The following MCM4 variants were observed in gnomAD, a reference collection of about 807,000 sequenced individuals.
MCM4 encodes minichromosome maintenance complex component 4, also known as DNA replication licensing factor MCM4.
Under a neutral mutation model 88.7 loss-of-function variants are expected in MCM4, and 60 were observed. That is an observed-to-expected ratio of 0.68 (90% CI 0.55 to 0.84). MCM4 has a LOEUF of 0.84. Ranked by LOEUF, MCM4 falls within the 40% of genes least tolerant of loss-of-function variation. The pLI is 0.00. For synonymous variants in MCM4, 465 were observed against 410.5 expected, an observed-to-expected ratio of 1.13 and a Z score of -1.61; for missense variants, 1,149 against 1,105.5, an observed-to-expected ratio of 1.04 and a Z score of -0.56.
chr8:47,962,725 A>T, intron 5 of MCM4, 39 bp from the exon 6 acceptor site: 1 of 1,237,776 alleles, frequency 8.1e-7, no homozygotes, highest in Non-Finnish European at 1.2e-6. Flanking sequence ...CCTGTTCCCA[A>T]ATGCTATATG....
At chr8:47,961,912 A>G in intron 3 of MCM4, 141 bp from the exon 4 acceptor site, 1 of 925,168 alleles carries the variant, frequency 1.1e-6, no homozygotes, top group Non-Finnish European at 1.6e-6. Flanking sequence ...AGAACATTTA[A>G]GAGTGCTCAG....
At position 47,977,962 on chromosome 8, in the gene MCM4, A is replaced by G. The variant is rs1392781521; in HGVS notation, c.*1184A>G. 6.6e-6 allele frequency: 1 copy of G among 152,218 alleles called. No individual in the cohort carries two copies. Among genetic ancestry groups the G allele is most frequent in the Non-Finnish European group, 1.5e-5 (1 of 68,040 alleles). The allele number at this position is 152,218 out of a possible 1,614,324, so 9.4% of individuals were successfully genotyped here. A position where few individuals can be genotyped will look rare whatever the true frequency, so the allele number is the denominator to read the frequency against. On this transcript the variant is annotated 3_prime_UTR_variant, in exon 17 of 17. Transcript: ENST00000649973. ...TACCTGGCATTATTTTTCAGTAAGA[A>G]AAAAGCTTTACTAACCACTACATTT...
In MCM4 at chr8:47,974,809, A is replaced by G; in HGVS notation, c.2212A>G (p.Ile738Val). 6.2e-7 allele frequency: 1 copy of G among 1,614,226 alleles called. No individual in the cohort carries two copies. The highest frequency in any genetic ancestry group is 8.5e-7 in the Non-Finnish European group (1 of 1,180,040). The change falls in exon 15 of 17, where the codon ATC (isoleucine) becomes GTC (valine). Residue 738 changes from isoleucine to valine, a missense_variant. This residue lies in a region of MCM4 where 238 missense variants were observed against 241.6 expected (regional missense o/e 0.99). Transcript: ENST00000649973. Reference protein sequence around the residue: ...SAYPRQLESLIRLAEAHAKVR... With the variant: ...SAYPRQLESLVRLAEAHAKVR... ...ATACCCTCGACAGCTAGAGTCATTA[A>G]TCCGCTTAGCAGAAGCCCATGCTAA...
intron 9 of MCM4, 120 bp downstream of exon 9, chr8:47,966,527 G>T (rs1362507452): frequency 7.0e-6 from 7 of 1,006,256 alleles, no homozygotes; most frequent in Non-Finnish European, 1.0e-5. Context: ...ATCCCTCTCT[G>T]GTCTTGTGGG....
At chr8:47,965,297 A>T (rs1481680341) in intron 8 of MCM4, among the ~76,000 whole-genome samples, 1 of 150,206 alleles carries the variant, frequency 6.7e-6, no homozygotes, top group Non-Finnish European at 1.5e-5. Flanking sequence ...GACATAAGAG[A>T]CTCCATCTCT....
chr8:47,968,416 C>G (rs1012763770), intron 10 of MCM4, among the ~76,000 whole-genome samples: 1 of 152,188 alleles, frequency 6.6e-6, no homozygotes, highest in African/African-American at 2.4e-5. Flanking sequence ...GTGCGCATTT[C>G]CAGTCCTGCT....
intron 9 of MCM4, among the ~76,000 whole-genome samples, chr8:47,966,822 T>C (rs768100670): frequency 5.9e-5 from 9 of 152,232 alleles, no homozygotes; most frequent in Non-Finnish European, 1.3e-4. Flanking sequence ...GATGAAGTTA[T>C]TAAAATGACA....
At position 47,974,760 on chromosome 8, in the gene MCM4, C is replaced by T. The variant is rs780941867; in HGVS notation, c.2163C>T (p.Gly721=). Residue 721 remains glycine (G), a synonymous_variant, in exon 15 of 17, where the codon GGC becomes GGT. Transcript: ENST00000649973. ...CTTATGTAGACATGAGGAAGATTGG[C>T]AGTAGCCGGGGAATGGTTTCTGCAT... ...IEAYVDMRKI[G]SSRGMVSAYP... 1.9e-6 allele frequency: 3 copies of T among 1,614,156 alleles called. No individual in the cohort carries two copies. In the East Asian group the frequency reaches 6.7e-5, roughly 36 times the overall value.
At chr8:47,964,410 A>G (rs562638570) in intron 7 of MCM4, among the ~76,000 whole-genome samples, 164 bp from the exon 8 acceptor site, 1 of 152,214 alleles carries the variant, frequency 6.6e-6, no homozygotes, top group Admixed American at 6.5e-5. Context: ...AGAAATAGAT[A>G]GTTCAGCATA....
At chr8:47,969,619 A>G (rs2090932507) in intron 10 of MCM4, 179 bp from the exon 11 acceptor site, 14 of 609,878 alleles carry the variant, frequency 2.3e-5, no homozygotes, top group South Asian at 6.1e-5. Context: ...GAGCTTTGCA[A>G]TGTGGGCCTG....
intron 12 of MCM4, 108 bp downstream of exon 12, chr8:47,970,984 G>A (rs1252792088): frequency 9.2e-6 from 12 of 1,310,904 alleles, no homozygotes; most frequent in African/African-American, 1.5e-5. Flanking sequence ...AACTTGGGGA[G>A]ATTGATAAGT....
chr8:47,963,084 A>G, intron 7 of MCM4, 44 bp downstream of exon 7: 1 of 1,099,518 alleles, frequency 9.1e-7, no homozygotes, highest in Non-Finnish European at 1.3e-6. Flanking sequence ...GTAACAGTCT[A>G]GAAAGAATGT....
In MCM4 at chr8:47,963,018, G is replaced by T. The variant is rs767263289; in HGVS notation, c.671G>T (p.Arg224Ile). Residue 224 changes from arginine to isoleucine, a missense_variant, in exon 7 of 17, where the codon AGA (arginine) becomes ATA (isoleucine). Physicochemically the swap from Arg to Ile is moderately conservative, Grantham distance 97. Coordinates refer to ENST00000649973, the MANE Select transcript of MCM4 (RefSeq NM_182746.3). ...HIKSFDKNLYRQLISYPQEVI... is the reference protein window; with the variant it reads ...HIKSFDKNLYIQLISYPQEVI... ...AAATCATTTGACAAAAATTTGTACA[G>T]ACAACTCATCTCTTACCCACAGGTA... The T allele has an allele frequency of 6.2e-7, 1 of 1,603,506 alleles. No individual in the cohort carries two copies. Among genetic ancestry groups the T allele is most frequent in the Non-Finnish European group, 8.5e-7 (1 of 1,174,976 alleles).
intron 14 of MCM4, chr8:47,974,380 A>G (rs183254823): frequency 1.3e-4 from 32 of 244,376 alleles, no homozygotes; most frequent in African/African-American, 2.0e-4. Context: ...GATTCTCCCT[A>G]TGAGTGCTCA....
Position 47,970,627 on chromosome 8 carries a change from C to A in MCM4, c.1551C>A (p.Ser517=), listed in dbSNP as rs1296949143. ...GTGGCGACCCTGGTACCAGCAAGTC[C>A]CAGCTGCTGCAGTACGTGTACAACC... ...LLCGDPGTSK[S]QLLQYVYNLV... Residue 517 remains serine, a synonymous_variant, in exon 12 of 17, where the codon TCC becomes TCA. Coordinates refer to ENST00000649973, the MANE Select transcript of MCM4 (RefSeq NM_182746.3). The A allele has an allele frequency of 6.2e-7, 1 of 1,613,954 alleles. No individual in the cohort carries two copies. The highest frequency in any genetic ancestry group is 2.2e-5 in the East Asian group (1 of 44,892).
At chr8:47,961,326 C>A in intron 2 of MCM4, 112 bp downstream of exon 2, 1 of 1,449,940 alleles carries the variant, frequency 6.9e-7, no homozygotes, top group Non-Finnish European at 9.0e-7. Context: ...CAGCCTCGGG[C>A]TGGGCGCTGC....
In MCM4 at chr8:47,967,365, A is replaced by G. The variant is rs1254841916; in HGVS notation, c.1054A>G (p.Ile352Val). The change falls in exon 10 of 17, where the codon ATC becomes GTC. Residue 352 changes from isoleucine to valine, a missense_variant and splice_region_variant. Physicochemically the swap from Ile to Val is conservative, Grantham distance 29 (BLOSUM62 3). This residue lies in a region of MCM4 where 906 missense variants were observed against 843.0 expected (regional missense o/e 1.07). Coordinates refer to ENST00000649973, the MANE Select transcript of MCM4 (RefSeq NM_182746.3). Reference sequence around the variant, plus strand: ...ATGTTCTCTGTTTGCTGACCTTCAGATCAAGCTTCAGGAGTCTCCGGAAGA... The same window carrying G: ...ATGTTCTCTGTTTGCTGACCTTCAGGTCAAGCTTCAGGAGTCTCCGGAAGA... ...NRSLFSDKQMIKLQESPEDMP... is the reference protein window; with the variant it reads ...NRSLFSDKQMVKLQESPEDMP... The G allele has an allele frequency of 2.5e-6, 4 of 1,614,028 alleles. No homozygotes were observed. The highest frequency in any genetic ancestry group is 1.3e-5 in the African/African-American group (1 of 74,922).
chr8:47,964,536 A>C (rs1464452757), intron 7 of MCM4, 38 bp from the exon 8 acceptor site: 3 of 1,510,832 alleles, frequency 2.0e-6, no homozygotes, highest in Non-Finnish European at 2.7e-6. Context: ...TAACACTGAG[A>C]TATGAATACA....
At chr8:47,962,700 T>C (rs1307771558) in intron 5 of MCM4, 64 bp from the exon 6 acceptor site, 1 of 867,294 alleles carries the variant, frequency 1.2e-6, no homozygotes, top group Admixed American at 2.3e-5. Flanking sequence ...TAACTTTGTG[T>C]GTTTTTAGTA....
Sources: allele counts gnomAD v4.1 joint callset (sites outside exome capture counted in the v4.1 genomes callset), GRCh38; gene constraint gnomAD v4.1.1; regional missense constraint gnomAD v4.1.1; transcripts MANE v1.5; gene names NCBI Gene and HGNC (gene_info 2026-07-23, HGNC 2026-07-21).